The following MDC1 variants were observed in gnomAD, a reference collection of about 807,000 sequenced individuals.
MDC1 encodes mediator of DNA damage checkpoint 1, also known as mediator of DNA damage checkpoint protein 1.
MDC1 carries 81 observed loss-of-function variants against 142.5 expected under a neutral mutation model. The ratio of observed to expected loss-of-function variants is 0.57; its 90% CI spans 0.47 to 0.68. MDC1 has a LOEUF of 0.68. Among genes scored for constraint, MDC1 ranks in the 30% least tolerant of loss-of-function variants. The pLI is 0.00. For synonymous variants in MDC1, 797 were observed against 968.4 expected (o/e 0.82, Z 3.29); for missense variants, 2,119 against 2,547.9 (o/e 0.83, Z 3.62).
Position 30,700,459 on chromosome 6 carries a change from G to A in MDC1, c.*6C>T. On this transcript the variant is annotated 3_prime_UTR_variant, in exon 15 of 15. Transcript: ENST00000376406. The stretch of plus-strand genomic sequence containing the variant: ...TGGTCTGGGAGGGAAAAGGGTAGTG[G>A]AGTTCTCAGGTGGATGACATCTCCA... 6.2e-7 allele frequency: 1 copy of A among 1,609,802 alleles called. No individual in the cohort carries two copies. Among genetic ancestry groups the A allele is most frequent in the African/African-American group, 1.3e-5 (1 of 74,912 alleles).
rs1388009802 is a variant in MDC1 at position 30,707,776 on chromosome 6, CT to C, written c.2802del (p.Glu935ArgfsTer6). Reference sequence around the variant, plus strand: ...TCCAGGATCACTTTGGGCACCTTCTCTTCTAACTCGGCTGGATCGCACTCTC... The same window carrying C: ...TCCAGGATCACTTTGGGCACCTTCTCTCTAACTCGGCTGGATCGCACTCTC... ...ANRECDPAEL[E>X]EKVPKVILER... On this transcript the variant is annotated frameshift_variant, in exon 8 of 15. Transcript: ENST00000376406. LOFTEE classifies it high-confidence loss of function. 1 of 1,613,028 alleles carries C rather than the reference CT, an allele frequency of 6.2e-7. No homozygotes were observed. The highest frequency in any genetic ancestry group is 1.3e-5 in the African/African-American group (1 of 74,928).
intron 14 of MDC1, among the ~76,000 whole-genome samples, chr6:30,702,327 T>C (rs1196950131): frequency 7.0e-6 from 1 of 142,576 alleles, no homozygotes; most frequent in Non-Finnish European, 1.5e-5. Flanking sequence ...TGTAGCATAA[T>C]CTAAATTAAG....
rs1775229576 is a variant in MDC1 at position 30,713,553 on chromosome 6, A to G, written c.587+95T>C. 1 of 1,374,034 alleles carries G rather than the reference A, an allele frequency of 7.3e-7. No individual in the cohort carries two copies. 85.1% of individuals were successfully genotyped at this position (1,374,034 alleles called of 1,614,324 possible). A position where few individuals can be genotyped will look rare whatever the true frequency, so the allele number is the denominator to read the frequency against. On this transcript the variant is annotated intron_variant, in intron 4 of 14. Transcript: ENST00000376406. This position sits in a 1 kb window ranked among gnomAD's most constrained non-coding sequence, Gnocchi z 4.9. ...GAATATGTATGGTTCCCCAGCCCCAACTCTCATGATAATCATCTCTTTTAG... is the reference window on the plus strand; with the variant it reads ...GAATATGTATGGTTCCCCAGCCCCAGCTCTCATGATAATCATCTCTTTTAG...
At position 30,699,961 on chromosome 6, in the gene MDC1, A is replaced by G. The variant is rs1772370546; in HGVS notation, c.*504T>C. On this transcript the variant is annotated 3_prime_UTR_variant, in exon 15 of 15. Transcript: ENST00000376406. Reference sequence around the variant, plus strand: ...CCAGGAGAGAAGAAAATGTTTTAGTAGCACTCCATAACTGGACCCTCAAAT... The same window carrying G: ...CCAGGAGAGAAGAAAATGTTTTAGTGGCACTCCATAACTGGACCCTCAAAT... 8.8e-6 allele frequency: 2 copies of G among 226,338 alleles called. No individual in the cohort carries two copies. The highest frequency in any genetic ancestry group is 1.1e-4 in the Admixed American group (2 of 17,542). 14.0% of individuals were successfully genotyped at this position (226,338 alleles called of 1,614,324 possible). A position where few individuals can be genotyped will look rare whatever the true frequency, so the allele number is the denominator to read the frequency against.
In MDC1 at chr6:30,703,164, G is replaced by A. The variant is rs768159444; in HGVS notation, c.5805C>T (p.Val1935=). 1 of 1,613,010 alleles carries A rather than the reference G, an allele frequency of 6.2e-7. No homozygotes were observed. The highest frequency in any genetic ancestry group is 1.3e-5 in the African/African-American group (1 of 74,940). The change falls in exon 12 of 15, where the codon GTC becomes GTT. Residue 1935 remains valine, a synonymous_variant. Transcript: ENST00000376406. The surrounding 1 kb of genome is among the most constrained non-coding windows in gnomAD (Gnocchi z 4.4). ...HLVTDRIRRT[V]KFLCALGRGI... ...CCCGCCCCAGGGCACACAGGAACTT[G>A]ACTGTCCGGCGGATGCGATCAGTGA...
intron 9 of MDC1, 122 bp from the exon 10 acceptor site, chr6:30,706,220 C>G (rs111863413): frequency 2.3e-6 from 2 of 861,212 alleles, no homozygotes; most frequent in African/African-American, 3.4e-5. Context: ...GGCGTGGTGG[C>G]TCACGGCTAT....
rs780076989 is a variant in MDC1, at chr6:30,715,026, C to T, written c.136+14G>A. ...AGATCTATATCAATACTTGAACATC[C>T]AATACCCTCTGACCTTTTTCTGGTC... On this transcript the variant is annotated intron_variant, in intron 2 of 14. Coordinates refer to ENST00000376406, the MANE Select transcript of MDC1 (RefSeq NM_014641.3). This position sits in a 1 kb window ranked among gnomAD's most constrained non-coding sequence, Gnocchi z 4.1. 1 of 1,613,948 alleles carries T rather than the reference C, an allele frequency of 6.2e-7. No homozygotes were observed. Among genetic ancestry groups the T allele is most frequent in the South Asian group, 1.1e-5 (1 of 91,072 alleles).
At position 30,700,348 on chromosome 6, in the gene MDC1, C is replaced by A; in HGVS notation, c.*117G>T. On this transcript the variant is annotated 3_prime_UTR_variant, in exon 15 of 15. Transcript: ENST00000376406. The stretch of plus-strand genomic sequence containing the variant: ...ATTTATTCATAAAGATTTCTGGTCC[C>A]ACCCATGTTCCAGGACAAGTTGTAT... The A allele has an allele frequency of 1.9e-6, 2 of 1,033,758 alleles. No individual in the cohort carries two copies. Among genetic ancestry groups the A allele is most frequent in the South Asian group, 2.9e-5 (1 of 34,292 alleles). 64.0% of individuals were successfully genotyped at this position (1,033,758 alleles called of 1,614,324 possible).
rs1774475256 is a variant in MDC1 at position 30,709,410 on chromosome 6, AT to A, written c.2222-1054del. On this transcript the variant is annotated intron_variant, in intron 7 of 14. Transcript: ENST00000376406. This position sits in a 1 kb window ranked among gnomAD's most constrained non-coding sequence, Gnocchi z 4.2. ...TCATTGACACATAATAATTGTACAT[AT>A]TTATGGGGTACCTGTGCTATTTTGA... 6.6e-6 allele frequency among the ~76,000 whole-genome samples: 1 copy of A among 152,202 alleles called. No individual in the cohort carries two copies. Among genetic ancestry groups the A allele is most frequent in the African/African-American group, 2.4e-5 (1 of 41,446 alleles).
rs757023894 is a variant in MDC1 at position 30,712,960 on chromosome 6, C to T, written c.982G>A (p.Asp328Asn). Residue 328 changes from aspartate to asparagine, a missense_variant, in exon 5 of 15, where the codon GAC (aspartate) becomes AAC (asparagine). Coordinates refer to ENST00000376406, the MANE Select transcript of MDC1 (RefSeq NM_014641.3). This position sits in a 1 kb window ranked among gnomAD's most constrained non-coding sequence, Gnocchi z 4.7. ...LERAQPFGFI[D>N]SDTDAEEERI... ...TCTTCTTCCGCATCAGTGTCGCTGT[C>T]GATGAAGCCAAAAGGCTGAGCCCTT... The T allele has an allele frequency of 1.3e-4, 210 of 1,612,916 alleles. No individual in the cohort carries two copies. The highest frequency in any genetic ancestry group is 1.7e-4 in the Non-Finnish European group (200 of 1,180,024).
rs758896973 is a variant in MDC1, at chr6:30,708,109, C to T, written c.2470G>A (p.Val824Met). ...MGIPKETAER[V>M]GPERGPLERE... ...TCCAATGGCCCTCTCTCAGGGCCCA[C>T]CCTCTCTGCTGTTTCTTTTGGTATA... Residue 824 changes from valine (V) to methionine (M), a missense_variant, in exon 8 of 15, where the codon GTG (valine) becomes ATG (methionine). By Grantham distance (21) the Val-to-Met change is conservative. Coordinates refer to ENST00000376406, the MANE Select transcript of MDC1 (RefSeq NM_014641.3). The T allele has an allele frequency of 2.5e-6, 4 of 1,612,994 alleles. No individual in the cohort carries two copies. The highest frequency in any genetic ancestry group is 3.4e-6 in the Non-Finnish European group (4 of 1,180,038).
chr6:30,707,431 G>A lies in MDC1; in HGVS notation c.3037C>T (p.Pro1013Ser), dbSNP rs776220681. 9.9e-6 allele frequency: 16 copies of A among 1,613,016 alleles called. No individual in the cohort carries two copies. Among genetic ancestry groups the A allele is most frequent in the African/African-American group, 4.0e-5 (3 of 74,936 alleles). The change falls in exon 9 of 15, where the codon CCT (proline) becomes TCT (serine). Residue 1013 changes from proline to serine, a missense_variant. Physicochemically the swap from Pro to Ser is moderately conservative, Grantham distance 74 (BLOSUM62 -1). Transcript: ENST00000376406. ...QKGLLNCKMP[P>S]AEKASRIRAA... is the part of the protein sequence containing the mutation. ...CTGATCCTGGAAGCCTTCTCAGCAG[G>A]TGGCATCTTGCAATTCAGGAGGCCT... is the stretch of plus-strand genomic sequence containing the variant.
Position 30,714,118 on chromosome 6 carries a change from A to G in MDC1, c.202T>C (p.Phe68Leu). ...RMPDCSVALP[F>L]PSISKQHAEI... ...GCATGTTGTTTGGAGATAGATGGAA[A>G]GGGCAGGGCCACAGAGCAGTCAGGC... is the stretch of plus-strand genomic sequence containing the variant. Residue 68 changes from phenylalanine (F) to leucine (L), a missense_variant, in exon 3 of 15, where the codon TTT (phenylalanine) becomes CTT (leucine). Phe to Leu is a conservative substitution (Grantham distance 22). Transcript: ENST00000376406. The G allele has an allele frequency of 1.9e-6, 3 of 1,612,556 alleles. No homozygotes were observed. The highest frequency in any genetic ancestry group is 2.5e-6 in the Non-Finnish European group (3 of 1,180,014).
chr6:30,700,272 C>A lies in MDC1; in HGVS notation c.*193G>T, dbSNP rs1562065939. On this transcript the variant is annotated 3_prime_UTR_variant, in exon 15 of 15. Coordinates refer to ENST00000376406, the MANE Select transcript of MDC1 (RefSeq NM_014641.3). ...TAAAATAAAATGGCCATTAAAAAAA[C>A]AAACAAACAAACAAAAAACAACCTG... 6.7e-6 allele frequency: 3 copies of A among 446,528 alleles called. No homozygotes were observed. Among genetic ancestry groups the A allele is most frequent in the African/African-American group, 2.3e-5 (1 of 42,958 alleles). 27.7% of individuals were successfully genotyped at this position (446,528 alleles called of 1,614,324 possible).
Position 30,711,917 on chromosome 6 carries a change from TTCTC to T in MDC1, c.2021_2024del (p.Arg674AsnfsTer50), listed in dbSNP as rs1774970686. On this transcript the variant is annotated frameshift_variant, in exon 5 of 15. Coordinates refer to ENST00000376406, the MANE Select transcript of MDC1 (RefSeq NM_014641.3). LOFTEE classifies it high-confidence loss of function. ...AGTCCTTGGTCCCACCCACATGTTG[TTCTC>T]TCTCCCTTCCTGTGGGGACCTGGGC... 3.9e-6 allele frequency: 6 copies of T among 1,537,982 alleles called. No homozygotes were observed. Among genetic ancestry groups the T allele is most frequent in the Non-Finnish European group, 5.2e-6 (6 of 1,144,760 alleles).
rs529970009 is a variant in MDC1, at chr6:30,708,270, G to A, written c.2309C>T (p.Thr770Met). The change falls in exon 8 of 15, where the codon ACG becomes ATG. Residue 770 changes from threonine to methionine, a missense_variant. Transcript: ENST00000376406. Reference sequence around the variant, plus strand: ...GCAAGGTCCATAGGCCTCAAGGTGCGTGTCAAAAGGCTGGGTCTCAGAGTC... The same window carrying A: ...GCAAGGTCCATAGGCCTCAAGGTGCATGTCAAAAGGCTGGGTCTCAGAGTC... ...SEDSETQPFD[T>M]HLEAYGPCLS... 48 of 1,612,940 alleles carry A rather than the reference G, an allele frequency of 3.0e-5. No homozygotes were observed. Among genetic ancestry groups the A allele is most frequent in the East Asian group, 1.1e-4 (5 of 44,870 alleles).
intron 7 of MDC1, 55 bp from the exon 8 acceptor site, chr6:30,708,412 G>C: frequency 7.1e-7 from 1 of 1,410,136 alleles, no homozygotes; most frequent in Non-Finnish European, 9.8e-7. Context: ...AAGAGGGAGA[G>C]GAAGAGGGAA....
chr6:30,717,007 A>T (rs1419478102), intron 1 of MDC1: 7 of 689,934 alleles, frequency 1.0e-5, no homozygotes, highest in Non-Finnish European at 1.2e-5. Context: ...GCTTGGCTCC[A>T]ATTCAAAGAG....
In MDC1 at chr6:30,707,392, C is replaced by T; in HGVS notation, c.3076G>A (p.Val1026Ile). Residue 1026 changes from valine to isoleucine, a missense_variant, in exon 9 of 15, where the codon GTT becomes ATT. Physicochemically the swap from Val to Ile is conservative, Grantham distance 29. Coordinates refer to ENST00000376406, the MANE Select transcript of MDC1 (RefSeq NM_014641.3). Reference sequence around the variant, plus strand: ...GAAAAAGTAGCTCTCACCCTGGAAACCTTCTCAGCAGCTCTGATCCTGGAA... The same window carrying T: ...GAAAAAGTAGCTCTCACCCTGGAAATCTTCTCAGCAGCTCTGATCCTGGAA... The part of the protein sequence containing the change: ...KASRIRAAEK[V>I]SRGDQESPDA... The T allele has an allele frequency of 6.2e-7, 1 of 1,613,080 alleles. No homozygotes were observed. The highest frequency in any genetic ancestry group is 8.5e-7 in the Non-Finnish European group (1 of 1,180,024).
Sources: allele counts gnomAD v4.1 joint callset (sites outside exome capture counted in the v4.1 genomes callset), GRCh38; gene constraint gnomAD v4.1.1; non-coding constraint Gnocchi (gnomAD v3.1); transcripts MANE v1.5; gene names NCBI Gene and HGNC (gene_info 2026-07-23, HGNC 2026-07-21).